The following TANC2 variants were observed in gnomAD, a reference collection of about 807,000 sequenced individuals.
The protein encoded by TANC2 is tetratricopeptide repeat, ankyrin repeat and coiled-coil containing 2, also known as protein TANC2.
A neutral mutation model predicts 210.5 loss-of-function variants in TANC2; 26 were observed. The ratio of observed to expected loss-of-function variants is 0.12; its 90% CI spans 0.09 to 0.17. TANC2 has a LOEUF of 0.17. TANC2 is among the 10% of genes least tolerant of loss of function. The pLI is 1.00. For missense variants in TANC2, 2,129 were observed against 2,608.9 expected, an observed-to-expected ratio of 0.82 and a Z score of 4.01; for synonymous variants, 931 against 967.1, an observed-to-expected ratio of 0.96 and a Z score of 0.69.
At chr17:63,406,386 G>A (rs1323379020) in intron 21 of TANC2, 109 bp downstream of exon 21, 2 of 1,495,594 alleles carry the variant, frequency 1.3e-6, no homozygotes, top group African/African-American at 2.8e-5. Flanking sequence ...TATTAATCCA[G>A]TTGGTTGGAA....
chr17:63,262,654 A>G (rs2043400993), intron 8 of TANC2, among the ~76,000 whole-genome samples: 4 of 149,418 alleles, frequency 2.7e-5, no homozygotes, highest in Non-Finnish European at 5.9e-5. Flanking sequence ...GTAGCTACAT[A>G]GATATCGATA....
chr17:62,978,029 A>G (rs4968639), intron 1 of TANC2, among the ~76,000 whole-genome samples: 37,173 of 152,096 alleles, frequency 0.24, 4,930 homozygotes, highest in South Asian at 0.35. Flanking sequence ...ATGGAACTCT[A>G]ATTTTTAAAA....
At chr17:63,358,374 A>AT (rs1555641202) in intron 14 of TANC2, among the ~76,000 whole-genome samples, 2,914 of 94,396 alleles carry the variant, frequency 0.031, 34 homozygotes, top group African/African-American at 0.059. Flanking sequence ...AGAGAGAGAG[A>AT]GAGTATGTGT....
At chr17:63,268,144 G>A (rs1443133896) in intron 9 of TANC2, among the ~76,000 whole-genome samples, 1 of 152,140 alleles carries the variant, frequency 6.6e-6, no homozygotes, top group Non-Finnish European at 1.5e-5. Flanking sequence ...ATGTAAAGGG[G>A]CTGTGGTAAT....
At chr17:63,317,416 A>G (rs906509075) in intron 10 of TANC2, among the ~76,000 whole-genome samples, 10 of 149,120 alleles carry the variant, frequency 6.7e-5, no homozygotes, top group Non-Finnish European at 1.2e-4. Context: ...TGACACCCCC[A>G]TCAGTCTCCA....
chr17:63,312,370 A>C (rs924151915), intron 9 of TANC2, among the ~76,000 whole-genome samples: 1 of 152,182 alleles, frequency 6.6e-6, no homozygotes, highest in East Asian at 1.9e-4. Context: ...GCACCATGGA[A>C]TACTATATAG....
intron 14 of TANC2, among the ~76,000 whole-genome samples, chr17:63,365,135 A>G (rs2047072486): frequency 6.6e-6 from 1 of 152,240 alleles, no homozygotes. Context: ...CACAGCAGTC[A>G]GGAGGAGCTA....
At chr17:62,976,458 T>C (rs2032007802) in intron 1 of TANC2, among the ~76,000 whole-genome samples, 1 of 151,576 alleles carries the variant, frequency 6.6e-6, no homozygotes. Context: ...TTGTCTGGTT[T>C]TTTTTTTTTT....
Position 63,030,216 on chromosome 17 carries a change from C to T in TANC2, c.67+20590C>T, listed in dbSNP as rs1181910253. 2.6e-5 allele frequency among the ~76,000 whole-genome samples: 4 copies of T among 152,058 alleles called. 1 individual carries two copies. The South Asian group carries it at 6.2e-4, about 24-fold the overall frequency. ...AATTTGATTAGATCCCGTAGAGTCT[C>T]CTCCCTGGTCAGTTTTGTTATTGTG... On this transcript the variant is annotated intron_variant, in intron 2 of 27. Transcript: ENST00000689528.
intron 7 of TANC2, among the ~76,000 whole-genome samples, chr17:63,221,596 A>G (rs2042194434): frequency 6.6e-6 from 1 of 152,222 alleles, no homozygotes. Flanking sequence ...TTTCAATAAA[A>G]TGAGCAAGCG....
intron 13 of TANC2, among the ~76,000 whole-genome samples, chr17:63,352,692 G>GA (rs2046650580): frequency 6.6e-6 from 1 of 152,070 alleles, no homozygotes; most frequent in Non-Finnish European, 1.5e-5. Context: ...TGTGCCAACA[G>GA]AAAAAGTACT....
chr17:63,186,645 C>G (rs144183021), intron 5 of TANC2, among the ~76,000 whole-genome samples: 1 of 152,070 alleles, frequency 6.6e-6, no homozygotes, highest in African/African-American at 2.4e-5. Context: ...CGTGAGCCAC[C>G]GCACCCGGGC....
chr17:63,157,649 C>T (rs1038718843), intron 5 of TANC2, among the ~76,000 whole-genome samples: 1 of 151,594 alleles, frequency 6.6e-6, no homozygotes, highest in African/African-American at 2.4e-5. Context: ...ATAATATTAC[C>T]TATATCACAG....
At chr17:63,321,155 G>A (rs946519648) in intron 11 of TANC2, among the ~76,000 whole-genome samples, 1 of 151,422 alleles carries the variant, frequency 6.6e-6, no homozygotes, top group African/African-American at 2.4e-5. Context: ...CCAAGATTGC[G>A]CCACTGCACT....
chr17:63,259,950 A>G (rs767702964), intron 8 of TANC2, among the ~76,000 whole-genome samples: 3 of 152,178 alleles, frequency 2.0e-5, no homozygotes, highest in Non-Finnish European at 4.4e-5. Flanking sequence ...TGCAGAAAAT[A>G]TTTCAAGCGC....
chr17:63,056,141 C>G (rs2035798514), intron 2 of TANC2, among the ~76,000 whole-genome samples: 1 of 141,922 alleles, frequency 7.0e-6, no homozygotes, highest in African/African-American at 2.6e-5. Flanking sequence ...TGTCCATGCA[C>G]TCCAGCCTGA....
intron 11 of TANC2, among the ~76,000 whole-genome samples, chr17:63,321,461 T>C (rs955031619): frequency 2.0e-5 from 3 of 152,228 alleles, no homozygotes; most frequent in Non-Finnish European, 4.4e-5. Flanking sequence ...ACTTAGGCAC[T>C]GAAAAAACTG....
At chr17:63,146,790 G>A (rs574524248) in intron 4 of TANC2, among the ~76,000 whole-genome samples, 8 of 152,198 alleles carry the variant, frequency 5.3e-5, no homozygotes, top group Admixed American at 2.6e-4. Flanking sequence ...GAGGAACCTC[G>A]ATAGGTAGAT....
chr17:63,425,153 A>C (rs2049114398), exon 28 of TANC2: 1 of 152,174 alleles, frequency 6.6e-6, no homozygotes, highest in Non-Finnish European at 1.5e-5. Context: ...TTAAAGTCCC[A>C]AGTTAATAGA....
Sources: gnomAD v4.1 joint callset for allele counts (sites outside exome capture counted in the v4.1 genomes callset) on GRCh38, gnomAD v4.1.1 for gene constraint, MANE v1.5 for transcripts, NCBI Gene and HGNC (gene_info 2026-07-23, HGNC 2026-07-21) for gene names.